ALX1: variants seen among roughly 807,000 people sequenced by gnomAD.
ALX1 encodes ALX homeobox 1.
ALX1 carries 19 observed loss-of-function variants against 31.7 expected under a neutral mutation model. The observed-to-expected ratio is 0.60, with a 90% CI of 0.42 to 0.88. The LOEUF (loss-of-function observed/expected upper bound fraction) is 0.88. Ranked by LOEUF, ALX1 falls within the 40% of genes least tolerant of loss-of-function variation. The pLI is 0.00. For synonymous variants in ALX1, 153 were observed against 148.8 expected, an observed-to-expected ratio of 1.03 and a Z score of -0.20; for missense variants, 415 against 407.8, an observed-to-expected ratio of 1.02 and a Z score of -0.15.
chr12:85,297,601 G>T (rs889122417), intron 3 of ALX1, among the ~76,000 whole-genome samples: 2 of 151,488 alleles, frequency 1.3e-5, no homozygotes, highest in Non-Finnish European at 3.0e-5. Context: ...ATCACAAGAG[G>T]TAAACAAAAT....
At chr12:85,300,323 C>T (rs1294035083) in intron 3 of ALX1, among the ~76,000 whole-genome samples, 2 of 151,798 alleles carry the variant, frequency 1.3e-5, no homozygotes, top group Admixed American at 6.6e-5. Flanking sequence ...GTGAATATCT[C>T]GGGTGTGAAT....
At chr12:85,284,918 G>A (rs1896728989) in intron 2 of ALX1, among the ~76,000 whole-genome samples, 1 of 151,926 alleles carries the variant, frequency 6.6e-6, no homozygotes, top group Non-Finnish European at 1.5e-5. Context: ...TCTTAAAATT[G>A]TAAGGCTCTT....
chr12:85,293,563 G>A (rs948589335), intron 3 of ALX1, among the ~76,000 whole-genome samples: 2 of 150,504 alleles, frequency 1.3e-5, no homozygotes, highest in African/African-American at 4.9e-5. Context: ...AATTAGGCCT[G>A]TTCTTTTGAA....
chr12:85,301,278 T>C lies in ALX1; in HGVS notation c.784T>C (p.Tyr262His), dbSNP rs1896961613. The C allele has an allele frequency of 1.2e-6, 2 of 1,613,946 alleles. No homozygotes were observed. Among genetic ancestry groups the C allele is most frequent in the Admixed American group, 1.7e-5 (1 of 59,954 alleles). ...TCACTCGCCTCGGACAGATTCCAGTTACACGGGGTTTTCAAACCACCAGAA... is the reference window on the plus strand; with the variant it reads ...TCACTCGCCTCGGACAGATTCCAGTCACACGGGGTTTTCAAACCACCAGAA... The part of the protein sequence containing the change: ...YSHSPRTDSS[Y>H]TGFSNHQNQF... The change falls in exon 4 of 4, where the codon TAC (tyrosine) becomes CAC (histidine). Residue 262 changes from tyrosine (Y) to histidine (H), a missense_variant. Transcript: ENST00000316824.
chr12:85,299,089 C>A (rs1314787096), intron 3 of ALX1, among the ~76,000 whole-genome samples: 1 of 150,078 alleles, frequency 6.7e-6, no homozygotes, highest in Admixed American at 6.7e-5. Context: ...AATTCTTTAA[C>A]AAACAAAATA....
chr12:85,280,550 G>A, intron 1 of ALX1, 63 bp downstream of exon 1: 2 of 1,535,686 alleles, frequency 1.3e-6, no homozygotes, highest in Admixed American at 3.5e-5. Context: ...ATGCAGGATC[G>A]GTCTGATCAG....
chr12:85,294,902 A>G (rs11608487), intron 3 of ALX1, among the ~76,000 whole-genome samples: 35,551 of 151,108 alleles, frequency 0.24, 4,636 homozygotes, highest in Non-Finnish European at 0.29. Context: ...TTTCTGATGA[A>G]TAAATGATTT....
intron 3 of ALX1, among the ~76,000 whole-genome samples, chr12:85,295,633 T>C (rs1019755246): frequency 1.3e-5 from 2 of 151,588 alleles, no homozygotes; most frequent in East Asian, 3.9e-4. Context: ...AAATCTCTGA[T>C]CTCTGTCTTT....
At chr12:85,285,404 G>A (rs1896735964) in intron 2 of ALX1, among the ~76,000 whole-genome samples, 2 of 151,978 alleles carry the variant, frequency 1.3e-5, no homozygotes, top group South Asian at 4.1e-4. Context: ...AATTCCCTTA[G>A]TGTGTTCCTG....
intron 3 of ALX1, among the ~76,000 whole-genome samples, chr12:85,292,254 C>G (rs758458364): frequency 6.6e-6 from 1 of 150,968 alleles, no homozygotes; most frequent in Non-Finnish European, 1.5e-5. Context: ...AACATACTTT[C>G]CTTTTTAAAT....
intron 1 of ALX1, 87 bp downstream of exon 1, chr12:85,280,574 A>AG (rs1463708762): frequency 7.0e-7 from 1 of 1,422,220 alleles, no homozygotes. Context: ...GGGAGGGAGA[A>AG]AGGAGAAAAG....
chr12:85,299,413 G>C (rs1896932867), intron 3 of ALX1, among the ~76,000 whole-genome samples: 1 of 151,192 alleles, frequency 6.6e-6, no homozygotes, highest in Admixed American at 6.6e-5. Flanking sequence ...TTAGAACATA[G>C]CCTGAGACAA....
chr12:85,296,038 A>G (rs975106965), intron 3 of ALX1, among the ~76,000 whole-genome samples: 6 of 151,512 alleles, frequency 4.0e-5, no homozygotes, highest in African/African-American at 1.5e-4. Context: ...TTTTACAATT[A>G]AGTAAAAAAC....
At position 85,301,155 on chromosome 12, in the gene ALX1, A is replaced by G. The variant is rs79870572; in HGVS notation, c.661A>G (p.Ile221Val). Residue 221 changes from isoleucine to valine, a missense_variant and splice_region_variant, in exon 4 of 4, where the codon ATT (isoleucine) becomes GTT (valine). Around this residue, in one of 3 missense-constraint regions of ALX1, gnomAD observed 174 missense variants for 177.5 expected, o/e 0.98. Coordinates refer to ENST00000316824, the MANE Select transcript of ALX1 (RefSeq NM_006982.3). ...VLPRTDSYPQ[I>V]QNNLWAGNAS... ...ATATTTGTTGTTTTATATATTCCAG[A>G]TTCAGAACAATTTGTGGGCAGGAAA... 117 of 1,613,944 alleles carry G rather than the reference A, an allele frequency of 7.2e-5. No homozygotes were observed. The African/African-American group carries it at 1.5e-3, about 21-fold the overall frequency.
chr12:85,283,832 G>A lies in ALX1; in HGVS notation c.487G>A (p.Glu163Lys). The A allele has an allele frequency of 6.2e-7, 1 of 1,614,064 alleles. No homozygotes were observed. Among genetic ancestry groups the A allele is most frequent in the Non-Finnish European group, 8.5e-7 (1 of 1,179,988 alleles). Reference sequence around the variant, plus strand: ...TCATTACCCGGATGTGTATGTCAGAGAACAGCTTGCTCTGAGGACAGAGCT... The same window carrying A: ...TCATTACCCGGATGTGTATGTCAGAAAACAGCTTGCTCTGAGGACAGAGCT... ...KTHYPDVYVREQLALRTELTE... is the reference protein window; with the variant it reads ...KTHYPDVYVRKQLALRTELTE... The change falls in exon 2 of 4, where the codon GAA becomes AAA. Residue 163 changes from glutamate to lysine, a missense_variant. Glu to Lys is a moderately conservative substitution (Grantham distance 56, BLOSUM62 1). Transcript: ENST00000316824.
rs2137372685 is a variant in ALX1, at chr12:85,280,387, C to A, written c.126C>A (p.Ser42Arg). ...CGCTGGACAATGAGTCCTTTTACAG[C>A]AAAGCGTCTGCAGGCAAATGCGTGC... ...METLDNESFY[S>R]KASAGKCVQA... Residue 42 changes from serine to arginine, a missense_variant, in exon 1 of 4, where the codon AGC becomes AGA. Coordinates refer to ENST00000316824, the MANE Select transcript of ALX1 (RefSeq NM_006982.3). 6.2e-7 allele frequency: 1 copy of A among 1,613,886 alleles called. No homozygotes were observed. Among genetic ancestry groups the A allele is most frequent in the Non-Finnish European group, 8.5e-7 (1 of 1,180,044 alleles).
rs1242874318 is a variant in ALX1, at chr12:85,286,880, T to A, written c.559T>A (p.Trp187Arg). The A allele has an allele frequency of 6.2e-7, 1 of 1,610,764 alleles. No individual in the cohort carries two copies. Among genetic ancestry groups the A allele is most frequent in the East Asian group, 2.2e-5 (1 of 44,738 alleles). Residue 187 changes from tryptophan (W) to arginine (R), a missense_variant, in exon 3 of 4, where the codon TGG (tryptophan) becomes AGG (arginine). Trp to Arg is a moderately radical substitution (Grantham distance 101). Transcript: ENST00000316824. ...QVWFQNRRAK[W>R]RKRERYGQIQ... ...TTGGTTTCAAAATCGAAGGGCCAAATGGAGAAAAAGGGAACGTTATGGCCA... is the reference window on the plus strand; with the variant it reads ...TTGGTTTCAAAATCGAAGGGCCAAAAGGAGAAAAAGGGAACGTTATGGCCA...
At position 85,283,856 on chromosome 12, in the gene ALX1, C is replaced by G; in HGVS notation, c.511C>G (p.Leu171Val). The G allele has an allele frequency of 1.2e-6, 2 of 1,613,958 alleles. No homozygotes were observed. Among genetic ancestry groups the G allele is most frequent in the Non-Finnish European group, 1.7e-6 (2 of 1,179,970 alleles). Residue 171 changes from leucine (L) to valine (V), a missense_variant, in exon 2 of 4, where the codon CTC (leucine) becomes GTC (valine). By Grantham distance (32) the Leu-to-Val change is conservative. Transcript: ENST00000316824. ...VREQLALRTE[L>V]TEARVQVWFQ... Reference sequence around the variant, plus strand: ...AGAACAGCTTGCTCTGAGGACAGAGCTCACTGAGGCCAGGGTCCAGGTAGG... The same window carrying G: ...AGAACAGCTTGCTCTGAGGACAGAGGTCACTGAGGCCAGGGTCCAGGTAGG...
chr12:85,293,059 C>A (rs983614180), intron 3 of ALX1, among the ~76,000 whole-genome samples: 2 of 150,588 alleles, frequency 1.3e-5, no homozygotes, highest in South Asian at 4.2e-4. Flanking sequence ...GACTTATGAC[C>A]AAAATGTTAC....
Sources: allele counts gnomAD v4.1 joint callset (sites outside exome capture counted in the v4.1 genomes callset), GRCh38; gene constraint gnomAD v4.1.1; regional missense constraint gnomAD v4.1.1; transcripts MANE v1.5; gene names NCBI Gene and HGNC (gene_info 2026-07-23, HGNC 2026-07-21).